The following TENM2 variants were observed in gnomAD, a reference collection of about 807,000 sequenced individuals.
TENM2 encodes teneurin-2.
TENM2 carries 52 observed loss-of-function variants against 245.2 expected under a neutral mutation model. The ratio of observed to expected loss-of-function variants is 0.21; its 90% CI spans 0.17 to 0.27. The LOEUF (loss-of-function observed/expected upper bound fraction) is 0.27. Among genes scored for constraint, TENM2 ranks in the 10% least tolerant of loss-of-function variants. TENM2 has a pLI of 1.00. For synonymous variants in TENM2, 1,363 were observed against 1,438.9 expected, an observed-to-expected ratio of 0.95 and a Z score of 1.19; for missense variants, 3,046 against 3,666.8, an observed-to-expected ratio of 0.83 and a Z score of 4.37.
chr5:167,113,743 T>C, the TENM2 span, among the ~76,000 whole-genome samples: 2 of 152,304 alleles, frequency 1.3e-5, no homozygotes, highest in South Asian at 4.1e-4. Flanking sequence ...GATATTTTGA[T>C]GACAAAAGCA....
chr5:167,078,917 G>T, the TENM2 span, among the ~76,000 whole-genome samples: 1 of 152,022 alleles, frequency 6.6e-6, no homozygotes, highest in Non-Finnish European at 1.5e-5. Context: ...CATGCTTGGG[G>T]GCCATGTTAG....
intron 7 of TENM2, among the ~76,000 whole-genome samples, chr5:168,089,906 C>G (rs955201049): frequency 5.9e-5 from 9 of 152,156 alleles, no homozygotes; most frequent in African/African-American, 2.2e-4. Flanking sequence ...AACATAGATA[C>G]TCTTATTTTC....
chr5:167,465,584 CT>C (rs1375191257), intron 2 of TENM2, among the ~76,000 whole-genome samples: 1 of 152,210 alleles, frequency 6.6e-6, no homozygotes, highest in Non-Finnish European at 1.5e-5. Flanking sequence ...AATCCCAGCG[CT>C]TTGGGAGGCC....
At chr5:167,566,625 T>A (rs1773925451) in intron 2 of TENM2, among the ~76,000 whole-genome samples, 1 of 152,188 alleles carries the variant, frequency 6.6e-6, no homozygotes, top group Admixed American at 6.5e-5. Flanking sequence ...GATGAATACG[T>A]TCAAGGCTGT....
At chr5:168,169,254 G>A (rs767609241) in intron 13 of TENM2, among the ~76,000 whole-genome samples, 25 of 152,206 alleles carry the variant, frequency 1.6e-4, no homozygotes, top group Non-Finnish European at 3.2e-4. Context: ...CCGTGGTAGA[G>A]GCTCTTCAGG....
Position 167,570,267 on chromosome 5 carries a change from C to T in TENM2, c.502+194794C>T, listed in dbSNP as rs140284936. On this transcript the variant is annotated intron_variant, in intron 2 of 28. Coordinates refer to ENST00000518659, the Ensembl canonical transcript of TENM2. ...CTTGATTCTCTAAGGAATTGTGAAC[C>T]TTAGATGATGTGCAAGCCGATACAT... is the stretch of plus-strand genomic sequence containing the variant. Among the ~76,000 whole-genome samples, 495 of 152,008 alleles carry T rather than the reference C, an allele frequency of 3.3e-3. 2 individuals carry two copies. The highest frequency in any genetic ancestry group is 6.0e-3 in the Non-Finnish European group (406 of 67,978).
chr5:167,879,009 A>C (rs986120987), intron 3 of TENM2, among the ~76,000 whole-genome samples: 1 of 152,186 alleles, frequency 6.6e-6, no homozygotes, highest in Non-Finnish European at 1.5e-5. Context: ...CTCTCCTCTT[A>C]TAGTTGCTGT....
the TENM2 span, among the ~76,000 whole-genome samples, chr5:167,020,474 C>A: frequency 3.3e-5 from 5 of 152,166 alleles, no homozygotes; most frequent in South Asian, 4.1e-4. Flanking sequence ...CTATACCCGA[C>A]TGGGTAGGGC....
At chr5:167,836,001 T>C (rs1200462842) in intron 2 of TENM2, among the ~76,000 whole-genome samples, 1 of 152,226 alleles carries the variant, frequency 6.6e-6, no homozygotes, top group Admixed American at 6.5e-5. Context: ...ATTTTTGTTT[T>C]GAACCAGCCT....
At chr5:168,235,593 G>T (rs934187929) in intron 25 of TENM2, among the ~76,000 whole-genome samples, 11 of 152,198 alleles carry the variant, frequency 7.2e-5, no homozygotes, top group Admixed American at 2.0e-4. Context: ...GATGACCTGA[G>T]GTCAGAAGTT....
At chr5:167,230,769 T>A in the TENM2 span, among the ~76,000 whole-genome samples, 1 of 152,158 alleles carries the variant, frequency 6.6e-6, no homozygotes, top group Admixed American at 6.5e-5. Flanking sequence ...TGTTAGAATA[T>A]AATGTATATT....
At chr5:167,462,569 G>A (rs993072885) in intron 2 of TENM2, among the ~76,000 whole-genome samples, 1 of 152,180 alleles carries the variant, frequency 6.6e-6, no homozygotes, top group Non-Finnish European at 1.5e-5. Context: ...GGGATGGATG[G>A]GGAGCTGGAA....
the TENM2 span, among the ~76,000 whole-genome samples, chr5:167,000,951 T>C: frequency 1.3e-5 from 2 of 152,152 alleles, no homozygotes; most frequent in South Asian, 4.2e-4. Flanking sequence ...TTGTCTGTGG[T>C]TTTTTGTTGT....
At chr5:167,173,700 G>C in the TENM2 span, among the ~76,000 whole-genome samples, 1 of 145,902 alleles carries the variant, frequency 6.9e-6, no homozygotes, top group African/African-American at 2.8e-5. Context: ...GTCTCAAGGT[G>C]ATTTGAGTGT....
chr5:168,260,556 A>T, intron 28 of TENM2, 143 bp downstream of exon 30: 1 of 922,544 alleles, frequency 1.1e-6, no homozygotes, highest in South Asian at 1.7e-5. Context: ...GAGACTTCCC[A>T]GGAAAGCGAA....
intron 2 of TENM2, among the ~76,000 whole-genome samples, chr5:167,429,300 G>T (rs991882914): frequency 1.3e-5 from 2 of 152,146 alleles, no homozygotes; most frequent in South Asian, 4.1e-4. Flanking sequence ...GAGTAGCAGA[G>T]AATTCATTTG....
chr5:167,516,401 A>C (rs2127576670), intron 2 of TENM2, among the ~76,000 whole-genome samples: 1 of 152,272 alleles, frequency 6.6e-6, no homozygotes, highest in Non-Finnish European at 1.5e-5. Context: ...TAATTAAAGA[A>C]ATTAATAATC....
intron 5 of TENM2, among the ~76,000 whole-genome samples, chr5:167,997,338 C>T (rs888458042): frequency 6.6e-6 from 1 of 152,202 alleles, no homozygotes. Context: ...ATAGCATTAA[C>T]TCACCTTATC....
chr5:167,809,430 A>G (rs1766466042), intron 2 of TENM2, among the ~76,000 whole-genome samples: 1 of 152,184 alleles, frequency 6.6e-6, no homozygotes, highest in Non-Finnish European at 1.5e-5. Context: ...CACATAAGCC[A>G]TGCTGCAGGA....
Sources: gnomAD v4.1 joint callset for allele counts (sites outside exome capture counted in the v4.1 genomes callset) on GRCh38, gnomAD v4.1.1 for gene constraint, MANE v1.5 for transcripts, NCBI Gene and HGNC (gene_info 2026-07-23, HGNC 2026-07-21) for gene names.